PRIM2: variants seen among roughly 807,000 people sequenced by gnomAD.
PRIM2 encodes the protein DNA primase subunit 2, also known as DNA primase large subunit.
PRIM2 carries 39 observed loss-of-function variants against 67.3 expected under a neutral mutation model. The ratio of observed to expected loss-of-function variants is 0.58; its 90% CI spans 0.45 to 0.76. PRIM2 has a LOEUF of 0.76. Ranked by LOEUF, PRIM2 falls within the 30% of genes least tolerant of loss-of-function variation. PRIM2 has a pLI of 0.00. For missense variants in PRIM2, 398 were observed against 598.7 expected, an observed-to-expected ratio of 0.66 and a Z score of 3.50; for synonymous variants, 143 against 198.7, an observed-to-expected ratio of 0.72 and a Z score of 2.36.
rs1184302053 is a variant in PRIM2, at chr6:57,477,552, T to C, written c.694-29835T>C. On this transcript the variant is annotated intron_variant, in intron 7 of 13. Coordinates refer to ENST00000615550, the MANE Select transcript of PRIM2 (RefSeq NM_000947.5). Reference sequence around the variant, plus strand: ...TATAACATTTGTTGCTTAAAATATTTAAGTGAGCATTTATTTTTATGCCTT... The same window carrying C: ...TATAACATTTGTTGCTTAAAATATTCAAGTGAGCATTTATTTTTATGCCTT... Among the ~76,000 whole-genome samples, 118 of 152,370 alleles carry C rather than the reference T, an allele frequency of 7.7e-4. No homozygotes were observed. In the East Asian group the frequency reaches 0.022, roughly 28 times the overall value.
chr6:57,540,516 T>A (rs1775123744), intron 10 of PRIM2, among the ~76,000 whole-genome samples: 1 of 152,054 alleles, frequency 6.6e-6, no homozygotes, highest in Non-Finnish European at 1.5e-5. Context: ...TATTGGAAAA[T>A]TTTCTGGTGA....
At chr6:57,355,001 A>G (rs1768979573) in intron 5 of PRIM2, among the ~76,000 whole-genome samples, 1 of 152,270 alleles carries the variant, frequency 6.6e-6, no homozygotes, top group African/African-American at 2.4e-5. Flanking sequence ...CACCATGCAT[A>G]GAAATGGTCA....
At chr6:57,428,447 T>C (rs1771704484) in intron 7 of PRIM2, among the ~76,000 whole-genome samples, 1 of 152,204 alleles carries the variant, frequency 6.6e-6, no homozygotes. Flanking sequence ...TAAATATACT[T>C]GAAGAAAGAA....
intron 7 of PRIM2, among the ~76,000 whole-genome samples, chr6:57,429,181 A>C (rs1771737579): frequency 6.6e-6 from 1 of 152,204 alleles, no homozygotes; most frequent in Admixed American, 6.5e-5. Context: ...TACTCCATTG[A>C]GGTTTTGCCC....
chr6:57,293,191 T>A, the PRIM2 span, among the ~76,000 whole-genome samples: 11 of 152,196 alleles, frequency 7.2e-5, no homozygotes, highest in Non-Finnish European at 1.5e-4. Context: ...GAACAGACAC[T>A]TCTCAAAAGA....
the PRIM2 span, among the ~76,000 whole-genome samples, chr6:57,263,490 G>C: frequency 3.9e-5 from 6 of 152,112 alleles, no homozygotes; most frequent in Admixed American, 3.3e-4. Context: ...TCTTCTCCCT[G>C]TGTGTCTTTG....
At chr6:57,354,590 A>G (rs564666577) in intron 5 of PRIM2, among the ~76,000 whole-genome samples, 3 of 152,318 alleles carry the variant, frequency 2.0e-5, no homozygotes, top group African/African-American at 7.2e-5. Context: ...TTTGCTAATC[A>G]TATCCATTTG....
chr6:57,578,770 G>A (rs1776017389), intron 10 of PRIM2, among the ~76,000 whole-genome samples: 1 of 149,724 alleles, frequency 6.7e-6, no homozygotes, highest in Non-Finnish European at 1.5e-5. Context: ...TCCGCCTCCC[G>A]GGTTCACGCC....
At chr6:57,235,341 G>C in the PRIM2 span, among the ~76,000 whole-genome samples, 1 of 152,034 alleles carries the variant, frequency 6.6e-6, no homozygotes, top group Admixed American at 6.6e-5. Flanking sequence ...GCACATGCCT[G>C]TAATTCCAGC....
At chr6:57,567,291 T>C (rs1775763200) in intron 10 of PRIM2, among the ~76,000 whole-genome samples, 3 of 152,194 alleles carry the variant, frequency 2.0e-5, no homozygotes. Flanking sequence ...AATTTTTTTA[T>C]TTTATGATGT....
the PRIM2 span, among the ~76,000 whole-genome samples, chr6:57,249,637 G>T: frequency 6.6e-6 from 1 of 152,292 alleles, no homozygotes; most frequent in East Asian, 1.9e-4. Context: ...AGCTACTCAG[G>T]AGGCTGAGGC....
intron 5 of PRIM2, among the ~76,000 whole-genome samples, chr6:57,377,128 TC>T (rs1769794204): frequency 3.3e-5 from 5 of 151,792 alleles, no homozygotes; most frequent in African/African-American, 9.7e-5. Context: ...GACCTCATGA[TC>T]CACCCGCCTC....
chr6:57,406,671 AC>A (rs1180982883), intron 7 of PRIM2, among the ~76,000 whole-genome samples: 1 of 152,152 alleles, frequency 6.6e-6, no homozygotes. Context: ...ATTGAGAATA[AC>A]AAGCTTGGTT....
At chr6:57,243,275 G>A in the PRIM2 span, among the ~76,000 whole-genome samples, 3 of 152,192 alleles carry the variant, frequency 2.0e-5, no homozygotes, top group Non-Finnish European at 4.4e-5. Context: ...GATAAGGAGT[G>A]TTTGTGTGCT....
intron 7 of PRIM2, among the ~76,000 whole-genome samples, chr6:57,385,098 T>C (rs1388864335): frequency 6.6e-6 from 1 of 152,196 alleles, no homozygotes; most frequent in Admixed American, 6.5e-5. Flanking sequence ...AAGAAGGATA[T>C]GTGGCAGATT....
intron 5 of PRIM2, among the ~76,000 whole-genome samples, chr6:57,336,079 C>A (rs1398929479): frequency 6.6e-6 from 1 of 151,764 alleles, no homozygotes; most frequent in Non-Finnish European, 1.5e-5. Flanking sequence ...CCTCAGGAGC[C>A]GATGCGATCA....
intron 9 of PRIM2, among the ~76,000 whole-genome samples, chr6:57,536,479 A>G (rs1775005369): frequency 2.6e-5 from 4 of 152,306 alleles, no homozygotes; most frequent in Admixed American, 6.5e-5. Context: ...TTCATCTGCT[A>G]TTCAGCAATT....
the PRIM2 span, among the ~76,000 whole-genome samples, chr6:57,272,913 T>C: frequency 6.6e-6 from 1 of 152,368 alleles, no homozygotes; most frequent in Non-Finnish European, 1.5e-5. Flanking sequence ...TATGAAATTC[T>C]GGGTTGAAAA....
At chr6:57,522,526 T>C (rs1383745844) in intron 8 of PRIM2, among the ~76,000 whole-genome samples, 2 of 152,152 alleles carry the variant, frequency 1.3e-5, no homozygotes, top group African/African-American at 4.8e-5. Flanking sequence ...TATTTATTTA[T>C]TTTTTTAAGA....
Sources: allele counts gnomAD v4.1 joint callset (sites outside exome capture counted in the v4.1 genomes callset), GRCh38; gene constraint gnomAD v4.1.1; transcripts MANE v1.5; gene names NCBI Gene and HGNC (gene_info 2026-07-23, HGNC 2026-07-21).